The following ANK2 variants were observed in gnomAD, a reference collection of about 807,000 sequenced individuals.
ANK2 encodes the protein ankyrin 2.
ANK2 carries 83 observed loss-of-function variants against 360.5 expected under a neutral mutation model. That is an observed-to-expected ratio of 0.23 (90% CI 0.19 to 0.28). The LOEUF is 0.28. Ranked by LOEUF, ANK2 falls within the 10% of genes least tolerant of loss-of-function variation. ANK2 has a pLI of 1.00. For synonymous variants in ANK2, 1,740 were observed against 1,759.5 expected (o/e 0.99, Z 0.28); for missense variants, 4,201 against 4,795.7 (o/e 0.88, Z 3.66).
chr4:112,785,818 C>T, the ANK2 span, among the ~76,000 whole-genome samples: 1 of 151,962 alleles, frequency 6.6e-6, no homozygotes, highest in African/African-American at 2.4e-5. Flanking sequence ...AGGTGTGAAC[C>T]ACTATGCCAG....
At chr4:113,197,196 G>A (rs1201749956) in intron 3 of ANK2, among the ~76,000 whole-genome samples, 1 of 152,154 alleles carries the variant, frequency 6.6e-6, no homozygotes, top group Admixed American at 6.5e-5. Flanking sequence ...AATAAGAAAA[G>A]AGATTTTGGG....
At chr4:112,861,060 G>A (rs2067841007) in intron 1 of ANK2, among the ~76,000 whole-genome samples, 1 of 152,198 alleles carries the variant, frequency 6.6e-6, no homozygotes, top group African/African-American at 2.4e-5. Context: ...GAGAGGCAAA[G>A]AATTGTCTCT....
At chr4:112,710,691 C>G in the ANK2 span, among the ~76,000 whole-genome samples, 1 of 149,842 alleles carries the variant, frequency 6.7e-6, no homozygotes. Context: ...GAGCAAGACT[C>G]CATCTCAAAA....
intron 1 of ANK2, among the ~76,000 whole-genome samples, chr4:113,111,115 A>G (rs2094246968): frequency 6.6e-6 from 1 of 152,224 alleles, no homozygotes; most frequent in African/African-American, 2.4e-5. Context: ...TTATTTTGTG[A>G]AAATTTAAGA....
At chr4:113,258,216 C>T (rs2050576558) in intron 12 of ANK2, 68 bp downstream of exon 12, 10 of 1,575,356 alleles carry the variant, frequency 6.3e-6, no homozygotes, top group Non-Finnish European at 7.0e-6. Context: ...TCCTTTTTCT[C>T]ATCTTCTGTC....
intron 22 of ANK2, among the ~76,000 whole-genome samples, chr4:113,298,102 T>G (rs866613377): frequency 6.6e-6 from 1 of 152,170 alleles, no homozygotes; most frequent in Non-Finnish European, 1.5e-5. Flanking sequence ...GTGCAGAATC[T>G]TTTTAGACTT....
At chr4:113,114,195 G>A (rs940580513) in intron 1 of ANK2, among the ~76,000 whole-genome samples, 5 of 152,084 alleles carry the variant, frequency 3.3e-5, no homozygotes, top group East Asian at 1.9e-4. Flanking sequence ...TTCCTTTTCC[G>A]AGGTGAGTTG....
intron 1 of ANK2, among the ~76,000 whole-genome samples, chr4:113,073,330 A>T (rs1273972688): frequency 6.6e-6 from 1 of 152,122 alleles, no homozygotes; most frequent in East Asian, 1.9e-4. Context: ...TAATTTATTT[A>T]AAAAATAATA....
At chr4:113,266,472 G>A (rs773774099) in intron 14 of ANK2, among the ~76,000 whole-genome samples, 21 of 152,218 alleles carry the variant, frequency 1.4e-4, no homozygotes, top group Non-Finnish European at 2.5e-4. Flanking sequence ...TATATACCCA[G>A]TAATGGGATT....
chr4:112,837,689 G>A (rs2061290024), intron 1 of ANK2, among the ~76,000 whole-genome samples: 1 of 152,248 alleles, frequency 6.6e-6, no homozygotes, highest in Non-Finnish European at 1.5e-5. Context: ...GAGACATGGA[G>A]TTAAAGGAGG....
chr4:113,358,462 A>T lies in ANK2; in HGVS notation c.9844A>T (p.Lys3282Ter). 1 of 1,614,114 alleles carries T rather than the reference A, an allele frequency of 6.2e-7. No individual in the cohort carries two copies. Among genetic ancestry groups the T allele is most frequent in the Non-Finnish European group, 8.5e-7 (1 of 1,179,962 alleles). Residue 3282 changes from lysine to a stop codon, truncating the protein, a stop_gained, in exon 38 of 46, where the codon AAA becomes TAA. Coordinates refer to ENST00000357077, the MANE Select transcript of ANK2 (RefSeq NM_001148.6). LOFTEE classifies it high-confidence loss of function. ...DSPDSSPEEQ[K>*]SVIEIPTAPM... ...TCCCGATTCTTCCCCAGAAGAACAGAAATCAGTAATCGAGATTCCTACTGC... is the reference window on the plus strand; with the variant it reads ...TCCCGATTCTTCCCCAGAAGAACAGTAATCAGTAATCGAGATTCCTACTGC...
At chr4:112,752,144 C>T in the ANK2 span, among the ~76,000 whole-genome samples, 4 of 152,292 alleles carry the variant, frequency 2.6e-5, no homozygotes, top group African/African-American at 9.6e-5. Context: ...TCCATATTCT[C>T]CACTGGACAC....
rs1264578107 is a variant in ANK2 at position 113,358,655 on chromosome 4, C to T, written c.10037C>T (p.Ser3346Phe). The T allele has an allele frequency of 6.2e-7, 1 of 1,614,020 alleles. No individual in the cohort carries two copies. The highest frequency in any genetic ancestry group is 2.2e-5 in the East Asian group (1 of 44,870). Residue 3346 changes from serine (S) to phenylalanine (F), a missense_variant, in exon 38 of 46, where the codon TCC becomes TTC. By Grantham distance (155) the Ser-to-Phe change is radical. Transcript: ENST00000357077. ...ENKADEAKPK[S>F]KLPVKVPLQR... ...AAGGCGGATGAAGCAAAACCAAAGT[C>T]CAAACTCCCTGTCAAAGTACCCCTC...
At chr4:113,070,904 G>A (rs967612542) in intron 1 of ANK2, among the ~76,000 whole-genome samples, 1 of 151,860 alleles carries the variant, frequency 6.6e-6, no homozygotes, top group Non-Finnish European at 1.5e-5. Flanking sequence ...CAAAATGCTT[G>A]TGTTTAGTTG....
chr4:112,886,351 T>C (rs945069865), intron 1 of ANK2, among the ~76,000 whole-genome samples: 1 of 152,088 alleles, frequency 6.6e-6, no homozygotes, highest in Non-Finnish European at 1.5e-5. Context: ...GAGTAAGCTA[T>C]GCCCTAAGTC....
intron 2 of ANK2, among the ~76,000 whole-genome samples, chr4:112,935,394 C>T (rs114417865): frequency 0.012 from 1,756 of 152,262 alleles, 32 homozygotes; most frequent in African/African-American, 0.04. Flanking sequence ...TTGAGTCCTT[C>T]TGATGGGGCA....
chr4:112,771,104 GTTTA>G, the ANK2 span, among the ~76,000 whole-genome samples: 2 of 152,008 alleles, frequency 1.3e-5, no homozygotes, highest in Non-Finnish European at 2.9e-5. Context: ...AAGCATACAC[GTTTA>G]TTTATTTATT....
At chr4:113,230,542 T>C (rs763990879) in intron 4 of ANK2, among the ~76,000 whole-genome samples, 2 of 152,138 alleles carry the variant, frequency 1.3e-5, no homozygotes, top group Non-Finnish European at 2.9e-5. Context: ...TTCTCCTCTT[T>C]TAAGTTTTTA....
At chr4:112,793,706 CTTTTTT>C in the ANK2 span, among the ~76,000 whole-genome samples, 1 of 134,810 alleles carries the variant, frequency 7.4e-6, no homozygotes, top group East Asian at 2.1e-4. Flanking sequence ...ATTTTCTTTT[CTTTTTT>C]TTTTTTTTTT....
Sources: gnomAD v4.1 joint callset for allele counts (sites outside exome capture counted in the v4.1 genomes callset) on GRCh38, gnomAD v4.1.1 for gene constraint, MANE v1.5 for transcripts, NCBI Gene and HGNC (gene_info 2026-07-23, HGNC 2026-07-21) for gene names.